Variants in CUL5 observed in about 807,000 individuals in gnomAD.
CUL5 encodes cullin 5, also known as cullin-5.
Under a neutral mutation model 108.8 loss-of-function variants are expected in CUL5, and 26 were observed. That is an observed-to-expected ratio of 0.24 (90% CI 0.18 to 0.33). The LOEUF (loss-of-function observed/expected upper bound fraction) is 0.33, where lower values mean the gene tolerates loss of function less well. Among genes scored for constraint, CUL5 ranks in the 10% least tolerant of loss-of-function variants. CUL5 has a pLI of 1.00. For synonymous variants in CUL5, 334 were observed against 298.0 expected (o/e 1.12, Z -1.25); for missense variants, 524 against 909.2 (o/e 0.58, Z 5.45).
At chr11:108,052,456 T>A (rs1483035092) in intron 4 of CUL5, among the ~76,000 whole-genome samples, 1 of 151,620 alleles carries the variant, frequency 6.6e-6, no homozygotes, top group Non-Finnish European at 1.5e-5. Context: ...GAGACAGGAT[T>A]TTGCCCTGCT....
intron 1 of CUL5, among the ~76,000 whole-genome samples, chr11:108,011,494 A>C (rs562218446): frequency 6.6e-6 from 1 of 152,188 alleles, no homozygotes; most frequent in South Asian, 2.1e-4. Flanking sequence ...TTGAACATTT[A>C]CAAATAAAGG....
At chr11:108,089,840 G>C (rs1365444893) in intron 13 of CUL5, among the ~76,000 whole-genome samples, 1 of 151,146 alleles carries the variant, frequency 6.6e-6, no homozygotes, top group Admixed American at 6.6e-5. Flanking sequence ...AGGAGTTCAA[G>C]ACTAGCCTGA....
At chr11:108,029,862 C>T (rs1278840933) in intron 1 of CUL5, among the ~76,000 whole-genome samples, 1 of 152,188 alleles carries the variant, frequency 6.6e-6, no homozygotes, top group African/African-American at 2.4e-5. Context: ...CCTGTCTACT[C>T]TGGTACTCTG....
chr11:108,089,492 C>A lies in CUL5; in HGVS notation c.1312C>A (p.Leu438Ile). ...EEIEAKLKEV[L>I]LVLKYVQNKD... Reference sequence around the variant, plus strand: ...GAAAGTAACTTTATTTTTCATACAGCTCTTGGTACTTAAGTATGTACAGAA... The same window carrying A: ...GAAAGTAACTTTATTTTTCATACAGATCTTGGTACTTAAGTATGTACAGAA... Residue 438 changes from leucine to isoleucine, a missense_variant and splice_region_variant, in exon 13 of 19, where the codon CTC becomes ATC. Leu to Ile is a conservative substitution (Grantham distance 5). Transcript: ENST00000393094. 1 of 1,540,728 alleles carries A rather than the reference C, an allele frequency of 6.5e-7. No homozygotes were observed. The highest frequency in any genetic ancestry group is 8.7e-7 in the Non-Finnish European group (1 of 1,149,240).
At chr11:108,075,648 G>A (rs932742736) in intron 10 of CUL5, among the ~76,000 whole-genome samples, 7 of 151,952 alleles carry the variant, frequency 4.6e-5, no homozygotes. Flanking sequence ...CAATCCTCCC[G>A]CCTCAGCCAC....
intron 1 of CUL5, among the ~76,000 whole-genome samples, chr11:108,019,953 T>G (rs1232103307): frequency 6.6e-6 from 1 of 151,578 alleles, no homozygotes; most frequent in Non-Finnish European, 1.5e-5. Flanking sequence ...AGCAAGAGAG[T>G]GGGGAGAGGT....
chr11:108,026,254 G>A (rs1353120993), intron 1 of CUL5, among the ~76,000 whole-genome samples: 1 of 152,004 alleles, frequency 6.6e-6, no homozygotes, highest in Admixed American at 6.6e-5. Flanking sequence ...AATGTCACTC[G>A]AGAAAAAGAC....
intron 10 of CUL5, 130 bp from the exon 11 acceptor site, chr11:108,078,046 C>T (rs1863984727): frequency 5.6e-6 from 3 of 532,188 alleles, no homozygotes; most frequent in Non-Finnish European, 9.8e-6. Context: ...TTTGACTAGG[C>T]AAATTCTGTT....
At chr11:108,016,880 T>C (rs1318292976) in intron 1 of CUL5, among the ~76,000 whole-genome samples, 1 of 152,072 alleles carries the variant, frequency 6.6e-6, no homozygotes, top group Non-Finnish European at 1.5e-5. Flanking sequence ...TGCCCAACAC[T>C]TTGGAAAGCA....
At chr11:108,027,576 T>G (rs1200637321) in intron 1 of CUL5, among the ~76,000 whole-genome samples, 4 of 151,876 alleles carry the variant, frequency 2.6e-5, no homozygotes, top group Non-Finnish European at 5.9e-5. Flanking sequence ...CCAGCCAAAT[T>G]TTTTGTATTT....
In CUL5 at chr11:108,106,317, T is replaced by C. The variant is rs1223663478; in HGVS notation, c.*1933T>C. The C allele has an allele frequency of 6.6e-6, 1 of 152,618 alleles. No homozygotes were observed. The highest frequency in any genetic ancestry group is 1.5e-5 in the Non-Finnish European group (1 of 68,004). 9.5% of individuals were successfully genotyped at this position (152,618 alleles called of 1,614,324 possible). A position where few individuals can be genotyped will look rare whatever the true frequency, so the allele number is the denominator to read the frequency against. ...TTAGGTTTGTTGTTTTAAACCATAA[T>C]TGTTCTCAGAACTTTTTTGGAACTT... is the stretch of plus-strand genomic sequence containing the variant. On this transcript the variant is annotated 3_prime_UTR_variant, in exon 19 of 19. Coordinates refer to ENST00000393094, the MANE Select transcript of CUL5 (RefSeq NM_003478.6).
intron 1 of CUL5, among the ~76,000 whole-genome samples, chr11:108,023,271 C>T (rs968270232): frequency 2.6e-5 from 4 of 152,012 alleles, no homozygotes; most frequent in Admixed American, 6.6e-5. Context: ...ACAAAAAAAA[C>T]GCAGTATCTT....
At chr11:108,048,026 C>G (rs1437384891) in intron 3 of CUL5, among the ~76,000 whole-genome samples, 1 of 151,974 alleles carries the variant, frequency 6.6e-6, no homozygotes, top group African/African-American at 2.4e-5. Flanking sequence ...TGGGATTTAG[C>G]ACCACTAATT....
intron 13 of CUL5, among the ~76,000 whole-genome samples, chr11:108,093,082 C>T (rs1255563265): frequency 6.6e-6 from 1 of 152,138 alleles, no homozygotes; most frequent in Non-Finnish European, 1.5e-5. Context: ...TCCCAAAGTG[C>T]TGGGATTACA....
At chr11:108,021,045 G>A (rs1862315423) in intron 1 of CUL5, among the ~76,000 whole-genome samples, 1 of 152,130 alleles carries the variant, frequency 6.6e-6, no homozygotes, top group African/African-American at 2.4e-5. Flanking sequence ...ATTGCCTCCA[G>A]CTTCAGTACA....
Position 108,072,368 on chromosome 11 carries a change from C to G in CUL5, c.911C>G (p.Pro304Arg). 6.2e-7 allele frequency: 1 copy of G among 1,609,440 alleles called. No individual in the cohort carries two copies. Among genetic ancestry groups the G allele is most frequent in the Non-Finnish European group, 8.5e-7 (1 of 1,177,304 alleles). ...ATGTTTTCATTGATGGACAAAGTTC[C>G]TAATGGTATAGAGCCAATGTTGAAA... ...HLMFSLMDKV[P>R]NGIEPMLKDL... is the part of the protein sequence containing the mutation. Residue 304 changes from proline (P) to arginine (R), a missense_variant, in exon 9 of 19, where the codon CCT becomes CGT. Physicochemically the swap from Pro to Arg is moderately radical, Grantham distance 103. Transcript: ENST00000393094.
At chr11:108,102,829 A>T (rs1864705093) in intron 18 of CUL5, among the ~76,000 whole-genome samples, 1 of 152,050 alleles carries the variant, frequency 6.6e-6, no homozygotes. Flanking sequence ...TGTTTTGGAG[A>T]CAGGGTCTCA....
chr11:108,098,764 T>C (rs1223368543), intron 18 of CUL5, among the ~76,000 whole-genome samples: 1 of 151,900 alleles, frequency 6.6e-6, no homozygotes, highest in Non-Finnish European at 1.5e-5. Context: ...AGTTGAAATA[T>C]GAATTCCAGT....
At chr11:108,022,894 T>C (rs747028571) in intron 1 of CUL5, among the ~76,000 whole-genome samples, 11 of 152,310 alleles carry the variant, frequency 7.2e-5, no homozygotes, top group Middle Eastern at 6.8e-3. Context: ...GCTTTTCTTA[T>C]GGACTTTTTA....
Sources: gnomAD v4.1 joint callset for allele counts (sites outside exome capture counted in the v4.1 genomes callset) on GRCh38, gnomAD v4.1.1 for gene constraint, MANE v1.5 for transcripts, NCBI Gene and HGNC (gene_info 2026-07-23, HGNC 2026-07-21) for gene names.